Variants in PAM16 observed in about 807,000 individuals in gnomAD.
PAM16 encodes presequence translocase associated motor 16.
A neutral mutation model predicts 17.9 loss-of-function variants in PAM16; 11 were observed. That is an observed-to-expected ratio of 0.62 (90% confidence interval 0.39 to 1.02). The LOEUF is 1.02. Ranked by LOEUF, PAM16 falls within the 50% of genes least tolerant of loss-of-function variation. The pLI, the probability that PAM16 is intolerant of heterozygous loss-of-function variation, is 0.01. For missense variants in PAM16, 199 were observed against 165.4 expected, an observed-to-expected ratio of 1.20 and a Z score of -1.11; for synonymous variants, 72 against 67.4, an observed-to-expected ratio of 1.07 and a Z score of -0.34.
chr16:4,346,405 C>T (rs906325556), intron 1 of PAM16, among the ~76,000 whole-genome samples: 2 of 152,232 alleles, frequency 1.3e-5, no homozygotes, highest in Admixed American at 1.3e-4. Context: ...AATGGTACAG[C>T]AGGTGCTCAA....
intron 1 of PAM16, among the ~76,000 whole-genome samples, chr16:4,349,690 CT>C (rs2141156501): frequency 6.6e-6 from 1 of 152,166 alleles, no homozygotes; most frequent in South Asian, 2.1e-4. Context: ...TGGCTTGAGC[CT>C]AGGAGTTCAA....
chr16:4,348,186 G>C (rs778241222), intron 1 of PAM16: 3 of 152,226 alleles, frequency 2.0e-5, no homozygotes, highest in Admixed American at 6.5e-5. Flanking sequence ...ACAACATCAG[G>C]GACCTGGCCA....
chr16:4,346,605 G>A (rs1463343804), intron 1 of PAM16: 1 of 152,226 alleles, frequency 6.6e-6, no homozygotes, highest in Non-Finnish European at 1.5e-5. Context: ...GAAGCAGAAC[G>A]AGAACCACGT....
In PAM16 at chr16:4,341,361, G is replaced by C; in HGVS notation, c.225+7C>G. 6.4e-7 allele frequency: 1 copy of C among 1,568,676 alleles called. No individual in the cohort carries two copies. Among genetic ancestry groups the C allele is most frequent in the Non-Finnish European group, 8.6e-7 (1 of 1,156,664 alleles). ...TCTCAAACTTTGGGGTGGCCCAGTG[G>C]CCTCACCTTCTGGACCTCCTCAGGG... On this transcript the variant is annotated splice_region_variant and intron_variant, in intron 3 of 4. Coordinates refer to ENST00000318059, the MANE Select transcript of PAM16 (RefSeq NM_016069.11).
chr16:4,345,711 GC>G, intron 1 of PAM16: 3 of 250,310 alleles, frequency 1.2e-5, no homozygotes, highest in Non-Finnish European at 1.9e-5. Flanking sequence ...TGTGATCACA[GC>G]GAGGGGCAGG....
chr16:4,341,679 A>G, intron 2 of PAM16, 175 bp from the exon 3 acceptor site: 1 of 1,108,440 alleles, frequency 9.0e-7, no homozygotes, highest in African/African-American at 1.6e-5. Flanking sequence ...GAGGCTGGGA[A>G]AGTGAGGACA....
chr16:4,348,805 G>A (rs1295042303), intron 1 of PAM16, among the ~76,000 whole-genome samples: 2 of 151,404 alleles, frequency 1.3e-5, no homozygotes, highest in Admixed American at 6.6e-5. Flanking sequence ...ACAGGCACAC[G>A]CTGCCATGCC....
In PAM16 at chr16:4,343,211, A is replaced by C. The variant is rs1222929495; in HGVS notation, c.84T>G (p.Phe28Leu). The C allele has an allele frequency of 6.2e-7, 1 of 1,612,786 alleles. No individual in the cohort carries two copies. Among genetic ancestry groups the C allele is most frequent in the South Asian group, 1.1e-5 (1 of 91,080 alleles). Residue 28 changes from phenylalanine (F) to leucine (L), a missense_variant, in exon 2 of 5, where the codon TTT (phenylalanine) becomes TTG (leucine). By Grantham distance (22) the Phe-to-Leu change is conservative (BLOSUM62 0). Transcript: ENST00000318059. ...GGGAGACGGACCCATGCTTACCTGC[A>C]AACTCCTGCCGCAAGGCCCGTGCAA... ...RAFARALRQE[F>L]AASRAAADAR...
At chr16:4,341,751 A>C in intron 2 of PAM16, 1 of 588,108 alleles carries the variant, frequency 1.7e-6, no homozygotes, top group Non-Finnish European at 2.9e-6. Flanking sequence ...CTGGTCCCCA[A>C]CCTAGACCAT....
chr16:4,340,860 C>T (rs966632132), intron 4 of PAM16, 60 bp downstream of exon 4: 45 of 1,597,384 alleles, frequency 2.8e-5, no homozygotes, highest in Non-Finnish European at 3.8e-5. Flanking sequence ...AGGAATTGAG[C>T]CCCAGGTGAG....
chr16:4,344,836 TGTGAGAGGAGGGGGTTCC>T (rs1442832213), intron 1 of PAM16, among the ~76,000 whole-genome samples: 1,509 of 89,208 alleles, frequency 0.017, 16 homozygotes, highest in Non-Finnish European at 0.024. Flanking sequence ...GAGGGGGTTC[TGTGAGAGGAGGGGGTTCC>T]GTGAGAGGAG....
At chr16:4,351,178 G>A (rs1384632778) in intron 1 of PAM16, 54 bp downstream of exon 1, 5 of 1,162,476 alleles carry the variant, frequency 4.3e-6, no homozygotes, top group South Asian at 2.7e-5. Flanking sequence ...CCGGCCCCCG[G>A]CCCCCGGCCC....
Position 4,340,415 on chromosome 16 carries a change from C to A in PAM16, c.292-10G>T, listed in dbSNP as rs371237275. On this transcript the variant is annotated splice_polypyrimidine_tract_variant and intron_variant, in intron 4 of 4. Transcript: ENST00000318059. The stretch of plus-strand genomic sequence containing the variant: ...CCTTTGCGCGGACCACCTAGTGGGT[C>A]ACGGATAATCAGGCCGGGAGGCCAA... 1 of 1,609,588 alleles carries A rather than the reference C, an allele frequency of 6.2e-7. No homozygotes were observed. Among genetic ancestry groups the A allele is most frequent in the Non-Finnish European group, 8.5e-7 (1 of 1,178,690 alleles).
At chr16:4,341,575 G>A in intron 2 of PAM16, 71 bp from the exon 3 acceptor site, 1 of 1,517,046 alleles carries the variant, frequency 6.6e-7, no homozygotes, top group East Asian at 2.4e-5. Context: ...CCGAGTTGGT[G>A]GCTCACCCCT....
At chr16:4,351,160 C>A (rs887854472) in intron 1 of PAM16, 72 bp downstream of exon 1, 5 of 943,708 alleles carry the variant, frequency 5.3e-6, no homozygotes, top group African/African-American at 3.4e-5. Flanking sequence ...CAGCCCGGAG[C>A]TCGCCGCCCG....
intron 1 of PAM16, chr16:4,345,967 C>G (rs2053752069): frequency 1.0e-6 from 1 of 985,438 alleles, no homozygotes; most frequent in Non-Finnish European, 1.2e-6. Flanking sequence ...CATCGTACAG[C>G]CTTGCAATCA....
chr16:4,341,089 C>A (rs1489714263), intron 3 of PAM16, 104 bp from the exon 4 acceptor site: 13 of 1,426,188 alleles, frequency 9.1e-6, no homozygotes, highest in Non-Finnish European at 1.2e-5. Flanking sequence ...CTCCTCTCCA[C>A]CCTGTGTGCC....
chr16:4,350,916 G>A (rs79146179), intron 1 of PAM16: 4,647 of 268,206 alleles, frequency 0.017, 73 homozygotes, highest in Non-Finnish European at 0.022. Flanking sequence ...TAAGGTTCCA[G>A]GGCAGGGGAG....
chr16:4,345,130 C>T (rs140993210), intron 1 of PAM16, among the ~76,000 whole-genome samples: 4 of 151,978 alleles, frequency 2.6e-5, no homozygotes, highest in Non-Finnish European at 4.4e-5. Flanking sequence ...AAGCCGTAGA[C>T]GCAGGGGGGT....
Sources: allele counts gnomAD v4.1 joint callset (sites outside exome capture counted in the v4.1 genomes callset), GRCh38; gene constraint gnomAD v4.1.1; transcripts MANE v1.5; gene names NCBI Gene and HGNC (gene_info 2026-07-23, HGNC 2026-07-21).